Variants in PPP4R1 observed in about 807,000 individuals in gnomAD.
The protein encoded by PPP4R1 is protein phosphatase 4 regulatory subunit 1.
PPP4R1 carries 42 observed loss-of-function variants against 111.2 expected under a neutral mutation model. That is an observed-to-expected ratio of 0.38 (90% confidence interval 0.29 to 0.49). PPP4R1 has a LOEUF of 0.49. Among genes scored for constraint, PPP4R1 ranks in the 20% least tolerant of loss-of-function variants. The pLI is 0.97. For synonymous variants in PPP4R1, 409 were observed against 405.5 expected, an observed-to-expected ratio of 1.01 and a Z score of -0.10; for missense variants, 1,012 against 1,161.6, an observed-to-expected ratio of 0.87 and a Z score of 1.87.
At chr18:9,587,690 G>T (rs1197337197) in intron 6 of PPP4R1, among the ~76,000 whole-genome samples, 1 of 151,566 alleles carries the variant, frequency 6.6e-6, no homozygotes, top group Non-Finnish European at 1.5e-5. Flanking sequence ...ACAGGCATGA[G>T]CCACTGCACC....
intron 12 of PPP4R1, among the ~76,000 whole-genome samples, chr18:9,562,620 A>G (rs73939881): frequency 0.011 from 1,648 of 152,324 alleles, 29 homozygotes; most frequent in African/African-American, 0.038. Flanking sequence ...ATTTCTAACT[A>G]TACCACATGC....
intron 2 of PPP4R1, chr18:9,599,493 A>G (rs1248585364): frequency 1.3e-5 from 2 of 152,214 alleles, no homozygotes; most frequent in Non-Finnish European, 2.9e-5. Flanking sequence ...ACACAACCAT[A>G]TCAGTAACTA....
chr18:9,587,570 T>A (rs1568114509), intron 6 of PPP4R1: 1 of 151,682 alleles, frequency 6.6e-6, no homozygotes, highest in Non-Finnish European at 1.5e-5. Context: ...ACCTGGCTAA[T>A]TTTTTTTGTA....
chr18:9,577,309 T>C (rs1175647379), intron 9 of PPP4R1, 118 bp from the exon 10 acceptor site: 6 of 1,158,812 alleles, frequency 5.2e-6, no homozygotes, highest in Admixed American at 3.2e-5. Flanking sequence ...AGGATAATAA[T>C]GAAGCTTTTC....
chr18:9,584,485 T>A (rs148512675), intron 8 of PPP4R1, 30 bp downstream of exon 8: 3 of 1,580,148 alleles, frequency 1.9e-6, no homozygotes, highest in East Asian at 2.2e-5. Context: ...TAACACACAC[T>A]GTTTACTCCT....
intron 13 of PPP4R1, among the ~76,000 whole-genome samples, chr18:9,561,190 G>T (rs1217117284): frequency 1.3e-5 from 2 of 150,056 alleles, no homozygotes; most frequent in Admixed American, 6.7e-5. Context: ...CTGCACTCTA[G>T]CCTGGGTGAC....
intron 15 of PPP4R1, among the ~76,000 whole-genome samples, chr18:9,553,809 A>T (rs1598888291): frequency 6.6e-6 from 1 of 152,274 alleles, no homozygotes; most frequent in Non-Finnish European, 1.5e-5. Context: ...ACGCTGTGAC[A>T]GCACAGAGTA....
chr18:9,578,958 G>C (rs747646282), intron 9 of PPP4R1, among the ~76,000 whole-genome samples: 3 of 152,180 alleles, frequency 2.0e-5, no homozygotes, highest in Admixed American at 1.3e-4. Context: ...TAAATCATTA[G>C]TTTAGCTTGT....
At chr18:9,590,609 T>C (rs956216925) in intron 4 of PPP4R1, among the ~76,000 whole-genome samples, 1 of 152,076 alleles carries the variant, frequency 6.6e-6, no homozygotes, top group Non-Finnish European at 1.5e-5. Context: ...AACAGACGCA[T>C]GCATGTACAG....
rs1293886149 is a variant in PPP4R1, at chr18:9,605,177, AT to A, written c.52+9048del. Among the ~76,000 whole-genome samples the A allele has an allele frequency of 2.6e-5, 4 of 152,330 alleles. No homozygotes were observed. In the East Asian group the frequency reaches 7.7e-4, roughly 29 times the overall value. ...GTTTCCCATCTTTACATTTTAGAAA[AT>A]GAAAGACAATGAGATACACCACAGA... On this transcript the variant is annotated intron_variant, in intron 2 of 19. Coordinates refer to ENST00000400556, the MANE Select transcript of PPP4R1 (RefSeq NM_001042388.3).
At chr18:9,606,116 G>A (rs955306453) in intron 2 of PPP4R1, among the ~76,000 whole-genome samples, 1 of 152,062 alleles carries the variant, frequency 6.6e-6, no homozygotes, top group African/African-American at 2.4e-5. Flanking sequence ...TTAGGTTTAC[G>A]GTCTTATTTA....
chr18:9,602,367 TAAAAAAAA>T (rs11324056), intron 2 of PPP4R1, among the ~76,000 whole-genome samples: 1 of 45,142 alleles, frequency 2.2e-5, no homozygotes, highest in Non-Finnish European at 3.8e-5. Flanking sequence ...CCATCTCTAC[TAAAAAAAA>T]AAAAAAAAAA....
intron 15 of PPP4R1, among the ~76,000 whole-genome samples, chr18:9,555,727 C>T (rs555716835): frequency 1.3e-5 from 2 of 152,248 alleles, no homozygotes; most frequent in East Asian, 3.9e-4. Context: ...CTCAAAAATG[C>T]CAGTGACACC....
intron 10 of PPP4R1, among the ~76,000 whole-genome samples, chr18:9,572,440 GA>G (rs1464296677): frequency 6.6e-6 from 1 of 152,182 alleles, no homozygotes; most frequent in African/African-American, 2.4e-5. Flanking sequence ...CTGAGAAGAG[GA>G]AAGAATATGG....
At chr18:9,614,767 CG>C (rs1175485927), upstream of PPP4R1, 2 of 147,720 alleles carry the variant, frequency 1.4e-5, no homozygotes, top group East Asian at 3.9e-4. This position sits in a 1 kb window ranked among gnomAD's most constrained non-coding sequence, Gnocchi z 4.1. Flanking sequence ...CGCTGCTTGC[CG>C]GGTCCCGGCC....
chr18:9,580,418 C>T (rs574549566), intron 9 of PPP4R1, among the ~76,000 whole-genome samples: 1 of 150,898 alleles, frequency 6.6e-6, no homozygotes, highest in East Asian at 1.9e-4. Context: ...GGCGCGATCT[C>T]GGCTCACTGC....
At chr18:9,616,080 A>G (rs1340440021), upstream of PPP4R1, among the ~76,000 whole-genome samples, 4 of 152,162 alleles carry the variant, frequency 2.6e-5, no homozygotes, top group African/African-American at 4.8e-5. Flanking sequence ...GAATGCCCTT[A>G]TGTGAATTCA....
chr18:9,550,124 G>A lies in PPP4R1; in HGVS notation c.2475C>T (p.Ile825=). The change falls in exon 18 of 20, where the codon ATC becomes ATT. Residue 825 remains isoleucine, a synonymous_variant. Transcript: ENST00000400556. ...TGCCAAAGTTCTCCACAAGCTCATT[G>A]ATGAGGTCCACTCCGAACGTTGGTG... ...ATPPTFGVDL[I]NELVENFGRC... is the part of the protein sequence containing the mutation. The A allele has an allele frequency of 1.2e-6, 2 of 1,614,224 alleles. No homozygotes were observed. Among genetic ancestry groups the A allele is most frequent in the Non-Finnish European group, 8.5e-7 (1 of 1,180,044 alleles).
chr18:9,594,802 AT>A (rs71168074), intron 3 of PPP4R1: 14,859 of 394,658 alleles, frequency 0.038, 820 homozygotes, highest in African/African-American at 0.18. Context: ...ATTAATGGTA[AT>A]TTTTTTTTTT....
Sources: gnomAD v4.1 joint callset for allele counts (sites outside exome capture counted in the v4.1 genomes callset) on GRCh38, gnomAD v4.1.1 for gene constraint, Gnocchi (gnomAD v3.1) non-coding constraint, MANE v1.5 for transcripts, NCBI Gene and HGNC (gene_info 2026-07-23, HGNC 2026-07-21) for gene names.